The following SLC41A2 variants were observed in gnomAD, a reference collection of about 807,000 sequenced individuals.
SLC41A2 encodes the protein SLC41A1-like 1.
In SLC41A2, 32 loss-of-function variants were observed where a neutral mutation model predicts 58.3. That is an observed-to-expected ratio of 0.55 (90% CI 0.41 to 0.74). The LOEUF (loss-of-function observed/expected upper bound fraction) is 0.74, where lower values mean the gene tolerates loss of function less well. Ranked by LOEUF, SLC41A2 falls within the 30% of genes least tolerant of loss-of-function variation. SLC41A2 has a pLI of 0.00. For missense variants in SLC41A2, 514 were observed against 680.6 expected, an observed-to-expected ratio of 0.76 and a Z score of 2.72; for synonymous variants, 190 against 235.0, an observed-to-expected ratio of 0.81 and a Z score of 1.75.
intron 3 of SLC41A2, among the ~76,000 whole-genome samples, chr12:104,902,038 C>T (rs1378351199): frequency 6.6e-6 from 1 of 152,012 alleles, no homozygotes; most frequent in Non-Finnish European, 1.5e-5. Flanking sequence ...CATTGATTGG[C>T]CTTCTATAGC....
intron 1 of SLC41A2, among the ~76,000 whole-genome samples, chr12:104,934,096 C>T (rs1287590730): frequency 2.6e-5 from 4 of 151,614 alleles, no homozygotes; most frequent in East Asian, 1.9e-4. Flanking sequence ...GTTTTATGGT[C>T]GATTTAAAAT....
At chr12:104,853,936 T>TTA (rs2042921920) in intron 8 of SLC41A2, among the ~76,000 whole-genome samples, 1 of 141,826 alleles carries the variant, frequency 7.1e-6, no homozygotes, top group Admixed American at 7.2e-5. Flanking sequence ...TTTTTTTTTT[T>TTA]TTTAGTAGAA....
intron 9 of SLC41A2, 68 bp from the exon 10 acceptor site, chr12:104,844,688 T>A: frequency 2.4e-6 from 2 of 831,870 alleles, no homozygotes; most frequent in Non-Finnish European, 1.7e-6. Context: ...TCATAGTTAT[T>A]AAAATTTGAG....
intron 6 of SLC41A2, among the ~76,000 whole-genome samples, chr12:104,870,372 A>C (rs2043707522): frequency 6.6e-6 from 1 of 152,224 alleles, no homozygotes; most frequent in South Asian, 2.1e-4. Flanking sequence ...ACTCATTTTG[A>C]ATTTATACTT....
intron 8 of SLC41A2, among the ~76,000 whole-genome samples, chr12:104,860,125 A>G (rs1363442779): frequency 6.6e-6 from 1 of 152,102 alleles, no homozygotes; most frequent in African/African-American, 2.4e-5. Context: ...TTCCCCAAGT[A>G]GAATTACTTT....
chr12:104,874,226 A>T (rs2043936341), intron 6 of SLC41A2, among the ~76,000 whole-genome samples: 1 of 151,530 alleles, frequency 6.6e-6, no homozygotes, highest in Non-Finnish European at 1.5e-5. Flanking sequence ...GGCGCCTGCC[A>T]CCCTGCCCGG....
At chr12:104,833,500 G>T (rs919156836) in intron 10 of SLC41A2, among the ~76,000 whole-genome samples, 1 of 152,126 alleles carries the variant, frequency 6.6e-6, no homozygotes, top group East Asian at 1.9e-4. Context: ...CATTACAATA[G>T]TAAGTAAAAA....
At chr12:104,866,833 TAATA>T (rs1450162480) in intron 6 of SLC41A2, among the ~76,000 whole-genome samples, 1 of 152,050 alleles carries the variant, frequency 6.6e-6, no homozygotes, top group Non-Finnish European at 1.5e-5. Flanking sequence ...GAAAATAGCA[TAATA>T]ACAATAACAA....
At chr12:104,939,833 A>G (rs1209132814) in intron 1 of SLC41A2, among the ~76,000 whole-genome samples, 1 of 152,182 alleles carries the variant, frequency 6.6e-6, no homozygotes, top group African/African-American at 2.4e-5. Context: ...AGATATGTAT[A>G]TTTATATAAA....
chr12:104,903,072 T>A (rs904310550), intron 3 of SLC41A2, among the ~76,000 whole-genome samples: 4 of 152,210 alleles, frequency 2.6e-5, no homozygotes, highest in African/African-American at 9.7e-5. Flanking sequence ...TGGCTCCTAG[T>A]GTTTAATTTC....
At chr12:104,883,931 T>C (rs1039618273) in intron 6 of SLC41A2, among the ~76,000 whole-genome samples, 1 of 152,254 alleles carries the variant, frequency 6.6e-6, no homozygotes, top group Non-Finnish European at 1.5e-5. Context: ...TATTCAGCTA[T>C]GTCCTGCTTC....
intron 10 of SLC41A2, among the ~76,000 whole-genome samples, chr12:104,825,578 G>A (rs1252322372): frequency 6.6e-6 from 1 of 152,054 alleles, no homozygotes; most frequent in African/African-American, 2.4e-5. Flanking sequence ...TCCCAACTCT[G>A]TTTCTGATAT....
intron 6 of SLC41A2, 24 bp from the exon 7 acceptor site, chr12:104,866,603 A>AG (rs759493799): frequency 8.5e-5 from 114 of 1,334,028 alleles, no homozygotes; most frequent in Non-Finnish European, 9.3e-5. Flanking sequence ...AAAAAAAAAA[A>AG]AGAGAGACAA....
chr12:104,854,575 A>AAC lies in SLC41A2; in HGVS notation c.1255+6715_1255+6716insGT, dbSNP rs1555202627. Reference sequence around the variant, plus strand: ...CAGACTCCGTCTCAAAAAAACAAAAAAAAAAAAACACCGCCTTAGATCAGA... The same window carrying AAC: ...CAGACTCCGTCTCAAAAAAACAAAAAACAAAAAAAACACCGCCTTAGATCAGA... On this transcript the variant is annotated intron_variant, in intron 8 of 10. Transcript: ENST00000258538. Among the ~76,000 whole-genome samples, 55 of 148,604 alleles carry AAC rather than the reference A, an allele frequency of 3.7e-4. 1 individual carries two copies. In the South Asian group the frequency reaches 3.8e-3, roughly 10 times the overall value.
intron 6 of SLC41A2, among the ~76,000 whole-genome samples, chr12:104,869,319 CAG>C (rs1242384273): frequency 6.6e-6 from 1 of 152,060 alleles, no homozygotes; most frequent in Non-Finnish European, 1.5e-5. Flanking sequence ...AAAATCCTCA[CAG>C]AGGGGAAAAC....
intron 3 of SLC41A2, among the ~76,000 whole-genome samples, chr12:104,900,683 G>C (rs1306565596): frequency 6.6e-6 from 1 of 152,180 alleles, no homozygotes; most frequent in Non-Finnish European, 1.5e-5. Flanking sequence ...GGAACTAACA[G>C]GAATATGCAG....
At chr12:104,886,236 A>G in intron 6 of SLC41A2, 57 bp downstream of exon 6, 1 of 1,569,436 alleles carries the variant, frequency 6.4e-7, no homozygotes, top group African/African-American at 1.4e-5. Context: ...TGCTGCAACA[A>G]TATTTATTTA....
intron 10 of SLC41A2, among the ~76,000 whole-genome samples, chr12:104,814,223 G>A (rs2041296539): frequency 1.3e-5 from 2 of 152,062 alleles, no homozygotes. Flanking sequence ...GGGCAACAAA[G>A]TGGGACCCTG....
At chr12:104,953,334 G>T (rs1295807631) in intron 1 of SLC41A2, among the ~76,000 whole-genome samples, 1 of 152,136 alleles carries the variant, frequency 6.6e-6, no homozygotes, top group Non-Finnish European at 1.5e-5. Context: ...ACTATGAGAG[G>T]ATGGCTGTTT....
Sources: gnomAD v4.1 joint callset for allele counts (sites outside exome capture counted in the v4.1 genomes callset) on GRCh38, gnomAD v4.1.1 for gene constraint, MANE v1.5 for transcripts, NCBI Gene and HGNC (gene_info 2026-07-23, HGNC 2026-07-21) for gene names.